Variants in TAB2 observed in about 807,000 individuals in gnomAD.
The protein encoded by TAB2 is TGF-beta activated kinase 1 (MAP3K7) binding protein 2, also known as TGF-beta-activated kinase 1 and MAP3K7-binding protein 2.
TAB2 carries 3 observed loss-of-function variants against 65.0 expected under a neutral mutation model. That is an observed-to-expected ratio of 0.05 (90% confidence interval 0.02 to 0.12). The LOEUF (loss-of-function observed/expected upper bound fraction) is 0.12. TAB2 is among the 10% of genes least tolerant of loss of function. The pLI is 1.00. For missense variants in TAB2, 623 were observed against 840.3 expected (o/e 0.74, Z 3.20); for synonymous variants, 298 against 285.1 (o/e 1.05, Z -0.46).
At chr6:149,225,372 G>A (rs1321686916) in intron 1 of TAB2, among the ~76,000 whole-genome samples, 1 of 151,964 alleles carries the variant, frequency 6.6e-6, no homozygotes, top group African/African-American at 2.4e-5. Flanking sequence ...AAAGAATATT[G>A]GAAAGAAAAA....
At chr6:149,237,420 C>G (rs976988352) in intron 1 of TAB2, among the ~76,000 whole-genome samples, 1 of 152,170 alleles carries the variant, frequency 6.6e-6, no homozygotes, top group Non-Finnish European at 1.5e-5. Flanking sequence ...TTCCTCTTCT[C>G]CAGCTCTGGC....
At chr6:149,272,532 G>A (rs949584271) in intron 1 of TAB2, among the ~76,000 whole-genome samples, 1 of 152,102 alleles carries the variant, frequency 6.6e-6, no homozygotes, top group African/African-American at 2.4e-5. Flanking sequence ...TCCAACCTCT[G>A]CTCCTGTTGT....
chr6:149,357,428 AAAACAC>A lies in TAB2; in HGVS notation c.-89-12479_-89-12474del, dbSNP rs1214819308. 1.6e-3 allele frequency among the ~76,000 whole-genome samples: 103 copies of A among 65,594 alleles called. 2 individuals are homozygous for A. The highest frequency in any genetic ancestry group is 5.2e-3 in the African/African-American group (93 of 18,042). 43.0% of individuals were successfully genotyped at this position (65,594 alleles called of 152,430 possible). A position where few individuals can be genotyped will look rare whatever the true frequency, so the allele number is the denominator to read the frequency against. On this transcript the variant is annotated intron_variant, in intron 1 of 6. Transcript: ENST00000637181. ...GAGACTCCGTCTCAAGGAGAAAAAA[AAAACAC>A]ACACACACACACACACACACACACA...
chr6:149,248,553 T>A (rs1415909718), intron 1 of TAB2, among the ~76,000 whole-genome samples: 3 of 151,808 alleles, frequency 2.0e-5, no homozygotes, highest in Non-Finnish European at 4.4e-5. Context: ...TGAAAATTGT[T>A]CACATCTGAG....
intron 2 of TAB2, among the ~76,000 whole-genome samples, chr6:149,376,520 G>C (rs1057385711): frequency 5.9e-5 from 9 of 151,872 alleles, no homozygotes; most frequent in East Asian, 1.9e-4. Context: ...TTCTTTACTC[G>C]TGCCATTCTC....
chr6:149,382,148 C>G (rs956776850), intron 3 of TAB2, among the ~76,000 whole-genome samples: 4 of 152,238 alleles, frequency 2.6e-5, no homozygotes, highest in African/African-American at 9.6e-5. Context: ...CACCTGCTCA[C>G]TGTGTTCCAG....
At chr6:149,291,862 A>G (rs1055466837) in intron 1 of TAB2, among the ~76,000 whole-genome samples, 1 of 152,134 alleles carries the variant, frequency 6.6e-6, no homozygotes, top group African/African-American at 2.4e-5. Flanking sequence ...CCCTGTCTCT[A>G]AAAAAACAAA....
chr6:149,222,985 T>G (rs137967153), intron 1 of TAB2, among the ~76,000 whole-genome samples: 8 of 152,358 alleles, frequency 5.3e-5, no homozygotes, highest in African/African-American at 1.9e-4. Context: ...TATTAGATTG[T>G]GATAACTGCC....
At chr6:149,339,589 A>ATTTT (rs1462448974) in intron 1 of TAB2, among the ~76,000 whole-genome samples, 15 of 31,464 alleles carry the variant, frequency 4.8e-4, no homozygotes, top group African/African-American at 8.2e-4. Context: ...AATCTTTTTT[A>ATTTT]TTTATTTATT....
intron 3 of TAB2, among the ~76,000 whole-genome samples, chr6:149,385,147 C>T (rs570530272): frequency 5.3e-5 from 8 of 152,268 alleles, no homozygotes; most frequent in African/African-American, 1.9e-4. Context: ...TCATTCCTTA[C>T]CATTTTTCAC....
intron 1 of TAB2, among the ~76,000 whole-genome samples, chr6:149,263,582 A>G (rs1393055344): frequency 6.6e-6 from 1 of 152,244 alleles, no homozygotes; most frequent in African/African-American, 2.4e-5. Flanking sequence ...AGCAAACCAT[A>G]CAAGGTTGGT....
chr6:149,275,300 G>GAA (rs1223068467), intron 1 of TAB2, among the ~76,000 whole-genome samples: 16 of 128,276 alleles, frequency 1.2e-4, no homozygotes, highest in South Asian at 5.0e-4. Flanking sequence ...AAGAAAGAAA[G>GAA]AGAAAAAAGA....
chr6:149,219,949 C>A (rs1305058070), intron 1 of TAB2, among the ~76,000 whole-genome samples: 3 of 152,138 alleles, frequency 2.0e-5, no homozygotes, highest in African/African-American at 4.8e-5. Context: ...TTGACATATA[C>A]CATTCTGGAA....
chr6:149,289,321 G>A (rs1778732982), intron 1 of TAB2, among the ~76,000 whole-genome samples: 1 of 151,940 alleles, frequency 6.6e-6, no homozygotes, highest in African/African-American at 2.4e-5. Context: ...TGAGCCCAAG[G>A]GGAACAAGGT....
chr6:149,278,876 C>T (rs547835692), intron 1 of TAB2, among the ~76,000 whole-genome samples: 2 of 151,842 alleles, frequency 1.3e-5, no homozygotes, highest in African/African-American at 2.4e-5. Context: ...CCCAGGAGTC[C>T]GAGACCTGTC....
intron 3 of TAB2, among the ~76,000 whole-genome samples, chr6:149,385,531 G>C (rs1781762581): frequency 6.6e-6 from 1 of 152,192 alleles, no homozygotes; most frequent in African/African-American, 2.4e-5. Context: ...ATTAAGATTA[G>C]TTGACATTGG....
intron 1 of TAB2, among the ~76,000 whole-genome samples, chr6:149,280,486 T>C (rs1374069175): frequency 6.6e-6 from 1 of 152,160 alleles, no homozygotes; most frequent in Non-Finnish European, 1.5e-5. Context: ...TCTTCTCAAA[T>C]AGAATAACGC....
At chr6:149,309,871 TGTGTGG>T (rs1779137561) in intron 1 of TAB2, among the ~76,000 whole-genome samples, 1 of 122,508 alleles carries the variant, frequency 8.2e-6, no homozygotes, top group African/African-American at 3.6e-5. Context: ...ACTGTGTGTG[TGTGTGG>T]GTGTGGGTGT....
intron 1 of TAB2, among the ~76,000 whole-genome samples, chr6:149,222,953 G>A (rs1370098489): frequency 6.6e-6 from 1 of 152,166 alleles, no homozygotes; most frequent in African/African-American, 2.4e-5. Flanking sequence ...CAAAAAAAGA[G>A]AGTATTATAA....
Sources: allele counts gnomAD v4.1 joint callset (sites outside exome capture counted in the v4.1 genomes callset), GRCh38; gene constraint gnomAD v4.1.1; transcripts MANE v1.5; gene names NCBI Gene and HGNC (gene_info 2026-07-23, HGNC 2026-07-21).